Variants in PIBF1 observed in about 807,000 individuals in gnomAD.
The protein encoded by PIBF1 is progesterone immunomodulatory binding factor 1.
PIBF1 carries 90 observed loss-of-function variants against 112.5 expected under a neutral mutation model. That is an observed-to-expected ratio of 0.80 (90% CI 0.67 to 0.95). The LOEUF is 0.95. PIBF1 is among the 40% of genes least tolerant of loss of function. PIBF1 has a pLI of 0.00. For missense variants in PIBF1, 915 were observed against 852.3 expected (o/e 1.07, Z -0.92); for synonymous variants, 301 against 288.6 (o/e 1.04, Z -0.44).
At chr13:72,814,940 T>G (rs1484803704) in intron 5 of PIBF1, among the ~76,000 whole-genome samples, 1 of 152,136 alleles carries the variant, frequency 6.6e-6, no homozygotes, top group African/African-American at 2.4e-5. Context: ...AAGTGAGAAC[T>G]TGATTTAGAA....
chr13:72,916,116 C>G (rs1244772939), intron 12 of PIBF1, among the ~76,000 whole-genome samples: 1 of 151,490 alleles, frequency 6.6e-6, no homozygotes, highest in Admixed American at 6.6e-5. Context: ...TGGCCAGGTG[C>G]GGTGGCTCAC....
chr13:72,858,969 T>C (rs77000472), intron 10 of PIBF1, among the ~76,000 whole-genome samples: 3,325 of 152,270 alleles, frequency 0.022, 135 homozygotes, highest in African/African-American at 0.076. Flanking sequence ...ACTCTAATAA[T>C]TTGATGCAAT....
At chr13:72,899,778 T>G (rs1038115833) in intron 11 of PIBF1, among the ~76,000 whole-genome samples, 1 of 151,464 alleles carries the variant, frequency 6.6e-6, no homozygotes, top group South Asian at 2.1e-4. Flanking sequence ...GAGAAAGAAA[T>G]AAAGGGCATC....
chr13:72,888,640 A>T (rs1227014025), intron 10 of PIBF1, among the ~76,000 whole-genome samples: 1 of 152,116 alleles, frequency 6.6e-6, no homozygotes, highest in Non-Finnish European at 1.5e-5. Context: ...TAATTAAATG[A>T]TTATGTCCAC....
intron 11 of PIBF1, among the ~76,000 whole-genome samples, chr13:72,902,004 A>ATGTGTGTGTGTGTG (rs1206491287): frequency 6.7e-4 from 21 of 31,364 alleles, no homozygotes; most frequent in African/African-American, 2.9e-3. Context: ...GTGTGTATGT[A>ATGTGTGTGTGTGTG]TATGTGTGTG....
chr13:72,816,286 C>T (rs1267071695), intron 5 of PIBF1, among the ~76,000 whole-genome samples: 1 of 152,214 alleles, frequency 6.6e-6, no homozygotes, highest in Non-Finnish European at 1.5e-5. Flanking sequence ...GAGACAGAAT[C>T]TGAACCCATG....
intron 11 of PIBF1, among the ~76,000 whole-genome samples, 170 bp downstream of exon 11, chr13:72,894,119 G>T (rs1349969907): frequency 1.4e-5 from 2 of 145,370 alleles, no homozygotes; most frequent in Non-Finnish European, 1.5e-5. Context: ...TACTGAAAAG[G>T]ACTAGAATTG....
intron 9 of PIBF1, among the ~76,000 whole-genome samples, chr13:72,839,149 G>A (rs1315437277): frequency 6.6e-6 from 1 of 152,130 alleles, no homozygotes. Context: ...AGACAGAGAG[G>A]GTCTACTTTT....
chr13:73,009,061 C>A (rs1050723267), intron 17 of PIBF1, among the ~76,000 whole-genome samples: 2 of 152,178 alleles, frequency 1.3e-5, no homozygotes, highest in African/African-American at 4.8e-5. Context: ...TTCTCTTCAA[C>A]CATCCTTAGA....
chr13:72,973,885 A>G (rs563331019), intron 16 of PIBF1: 7 of 486,554 alleles, frequency 1.4e-5, no homozygotes, highest in South Asian at 4.2e-5. Context: ...TGTTGTGTTG[A>G]TATCTGTCAC....
intron 5 of PIBF1, 54 bp downstream of exon 5, chr13:72,798,080 T>C: frequency 1.3e-6 from 2 of 1,530,968 alleles, no homozygotes; most frequent in Non-Finnish European, 1.7e-6. Flanking sequence ...TTCTGTAGAG[T>C]CCCTCAGGAT....
chr13:73,013,966 G>A (rs1253967534), intron 17 of PIBF1, among the ~76,000 whole-genome samples: 1 of 152,056 alleles, frequency 6.6e-6, no homozygotes, highest in Non-Finnish European at 1.5e-5. Flanking sequence ...AAAAATTGAA[G>A]GAATTTATTC....
chr13:72,895,314 TAAA>T (rs2040238924), intron 11 of PIBF1, among the ~76,000 whole-genome samples: 3 of 149,336 alleles, frequency 2.0e-5, no homozygotes, highest in South Asian at 2.1e-4. Context: ...TATTTAAACT[TAAA>T]TAATATTTAA....
chr13:72,903,179 G>A (rs1454163701), intron 11 of PIBF1, among the ~76,000 whole-genome samples: 2 of 152,132 alleles, frequency 1.3e-5, no homozygotes, highest in Non-Finnish European at 2.9e-5. Flanking sequence ...GATTACAGGC[G>A]TGAGCCACCG....
At chr13:72,784,901 C>G (rs552125516) in intron 2 of PIBF1, among the ~76,000 whole-genome samples, 68 of 152,188 alleles carry the variant, frequency 4.5e-4, no homozygotes, top group Middle Eastern at 3.4e-3. Flanking sequence ...TGGAGACAGT[C>G]TTGCTCTGTC....
At chr13:73,003,267 T>G (rs2043931007) in intron 17 of PIBF1, among the ~76,000 whole-genome samples, 1 of 152,050 alleles carries the variant, frequency 6.6e-6, no homozygotes, top group Non-Finnish European at 1.5e-5. Flanking sequence ...TTTTTTTTTT[T>G]TTTGAGACAG....
chr13:72,974,736 C>T (rs767370885), intron 16 of PIBF1, among the ~76,000 whole-genome samples: 1 of 152,166 alleles, frequency 6.6e-6, no homozygotes, highest in Non-Finnish European at 1.5e-5. Context: ...TTGAGGACAT[C>T]TCCGAATAAA....
At chr13:72,793,694 T>C (rs1345608449) in intron 3 of PIBF1, among the ~76,000 whole-genome samples, 5 of 152,198 alleles carry the variant, frequency 3.3e-5, no homozygotes, top group African/African-American at 1.2e-4. Context: ...GGTTGGATTC[T>C]GAATATTTTT....
chr13:72,982,618 T>G (rs1479728092), intron 16 of PIBF1, among the ~76,000 whole-genome samples: 2 of 152,212 alleles, frequency 1.3e-5, no homozygotes, highest in African/African-American at 4.8e-5. Flanking sequence ...AATTCCTTTT[T>G]GTACTTTAGC....
Sources: allele counts gnomAD v4.1 joint callset (sites outside exome capture counted in the v4.1 genomes callset), GRCh38; gene constraint gnomAD v4.1.1; transcripts MANE v1.5; gene names NCBI Gene and HGNC (gene_info 2026-07-23, HGNC 2026-07-21).